The following LIMS1 variants were observed in gnomAD, a reference collection of about 807,000 sequenced individuals.
The protein encoded by LIMS1 is LIM and senescent cell antigen-like-containing domain protein 1.
In LIMS1, 18 loss-of-function variants were observed where a neutral mutation model predicts 44.1. The ratio of observed to expected loss-of-function variants is 0.41; its 90% confidence interval spans 0.28 to 0.61. LIMS1 has a LOEUF of 0.61. LIMS1 is among the 20% of genes least tolerant of loss of function. LIMS1 has a pLI of 0.32. For missense variants in LIMS1, 201 were observed against 422.0 expected (o/e 0.48, Z 4.59); for synonymous variants, 93 against 149.1 (o/e 0.62, Z 2.74).
chr2:108,590,892 C>T lies in LIMS1; in HGVS notation c.32+56298C>T, dbSNP rs184265951. The stretch of plus-strand genomic sequence containing the variant: ...TTGTTAAACAGGGGCTTTGTTTCCT[C>T]TTGTTCACCTCTGTATTCCCAGTGC... On this transcript the variant is annotated intron_variant, in intron 1 of 9. Coordinates refer to ENST00000544547, the Ensembl canonical transcript of LIMS1. Among the ~76,000 whole-genome samples, 238 of 152,332 alleles carry T rather than the reference C, an allele frequency of 1.6e-3. 1 individual carries two copies. Among genetic ancestry groups the T allele is most frequent in the Non-Finnish European group, 2.7e-3 (181 of 68,030 alleles).
At chr2:108,648,856 G>A (rs1232641811) in intron 1 of LIMS1, among the ~76,000 whole-genome samples, 2 of 152,148 alleles carry the variant, frequency 1.3e-5, no homozygotes, top group African/African-American at 4.8e-5. Flanking sequence ...AGATTTAAAT[G>A]TAAGACATAA....
chr2:108,650,265 G>A (rs1301568911), intron 1 of LIMS1, among the ~76,000 whole-genome samples: 1 of 152,092 alleles, frequency 6.6e-6, no homozygotes, highest in Non-Finnish European at 1.5e-5. Context: ...TTGAGCTATG[G>A]TGTTTATTCG....
At chr2:108,573,328 G>A (rs1256067345) in intron 1 of LIMS1, among the ~76,000 whole-genome samples, 1 of 150,172 alleles carries the variant, frequency 6.7e-6, no homozygotes, top group East Asian at 1.9e-4. Flanking sequence ...TTTCTACTGG[G>A]TACAGTGATC....
At chr2:108,571,653 A>G (rs1390697332) in intron 1 of LIMS1, among the ~76,000 whole-genome samples, 1 of 152,244 alleles carries the variant, frequency 6.6e-6, no homozygotes, top group Non-Finnish European at 1.5e-5. Context: ...TGAATAGTAC[A>G]AAAGCTTACT....
chr2:108,640,411 A>G (rs1346624151), intron 1 of LIMS1, among the ~76,000 whole-genome samples: 1 of 152,198 alleles, frequency 6.6e-6, no homozygotes, highest in Non-Finnish European at 1.5e-5. Context: ...TAACTGACCT[A>G]TTTATTTGCA....
chr2:108,559,390 T>C (rs1418214543), intron 1 of LIMS1, among the ~76,000 whole-genome samples: 1 of 152,232 alleles, frequency 6.6e-6, no homozygotes, highest in Non-Finnish European at 1.5e-5. Context: ...TATTAGTCTG[T>C]AAATATGAGT....
intron 1 of LIMS1, among the ~76,000 whole-genome samples, chr2:108,552,429 A>T (rs1684783817): frequency 6.9e-6 from 1 of 145,636 alleles, no homozygotes; most frequent in Non-Finnish European, 1.5e-5. Context: ...TATATAGTTA[A>T]AAATATAAAT....
At chr2:108,599,081 T>A (rs1686866939) in intron 1 of LIMS1, among the ~76,000 whole-genome samples, 1 of 152,066 alleles carries the variant, frequency 6.6e-6, no homozygotes, top group Non-Finnish European at 1.5e-5. Flanking sequence ...ATCTAATTAT[T>A]ATTGACTGTA....
chr2:108,653,651 T>C (rs541633252), intron 1 of LIMS1, among the ~76,000 whole-genome samples: 176 of 151,682 alleles, frequency 1.2e-3, no homozygotes, highest in African/African-American at 3.8e-3. Context: ...GAGACAAGTC[T>C]TACTCAATTT....
intron 1 of LIMS1, among the ~76,000 whole-genome samples, chr2:108,580,618 A>T (rs762263975): frequency 5.3e-5 from 8 of 152,240 alleles, no homozygotes; most frequent in Non-Finnish European, 1.0e-4. Context: ...CCAGAAGTAG[A>T]TGCAGCCTGT....
intron 1 of LIMS1, among the ~76,000 whole-genome samples, chr2:108,589,184 A>T (rs1466959133): frequency 2.8e-5 from 4 of 145,314 alleles, no homozygotes; most frequent in African/African-American, 7.5e-5. Flanking sequence ...AACGCTGTTT[A>T]AAAAAAAAAA....
At chr2:108,608,143 G>A (rs927473854) in intron 1 of LIMS1, among the ~76,000 whole-genome samples, 1 of 152,000 alleles carries the variant, frequency 6.6e-6, no homozygotes, top group Non-Finnish European at 1.5e-5. Flanking sequence ...TTTCCTCCAC[G>A]AAGAAGCCCT....
chr2:108,549,159 G>A (rs1165042372), intron 1 of LIMS1, among the ~76,000 whole-genome samples: 1 of 151,604 alleles, frequency 6.6e-6, no homozygotes, highest in Non-Finnish European at 1.5e-5. Flanking sequence ...GGTATATATG[G>A]CTTTTTGTTT....
chr2:108,586,011 G>A (rs1460049940), intron 1 of LIMS1, among the ~76,000 whole-genome samples: 5 of 152,128 alleles, frequency 3.3e-5, no homozygotes, highest in Non-Finnish European at 7.3e-5. Context: ...GGCTAACACG[G>A]TGAAACCCCA....
At chr2:108,639,649 C>T (rs1050775774) in intron 1 of LIMS1, among the ~76,000 whole-genome samples, 1 of 152,170 alleles carries the variant, frequency 6.6e-6, no homozygotes, top group African/African-American at 2.4e-5. Context: ...GACAGGGTTT[C>T]ACCATGTTGG....
intron 2 of LIMS1, chr2:108,660,644 T>A (rs1691296073): frequency 3.8e-6 from 1 of 265,072 alleles, no homozygotes; most frequent in Admixed American, 5.1e-5. Context: ...TTGCCCAGGC[T>A]GGTCTCAAAC....
intron 1 of LIMS1, among the ~76,000 whole-genome samples, chr2:108,594,491 A>G (rs904556385): frequency 6.6e-6 from 1 of 152,196 alleles, no homozygotes; most frequent in Non-Finnish European, 1.5e-5. Context: ...TCACCTGCAA[A>G]TGAAGAAAGT....
chr2:108,662,137 T>C (rs762410635), intron 2 of LIMS1: 376 of 1,610,324 alleles, frequency 2.3e-4, no homozygotes, highest in Non-Finnish European at 2.9e-4. Flanking sequence ...CCAGACATTT[T>C]CCTTATATCC....
intron 1 of LIMS1, among the ~76,000 whole-genome samples, chr2:108,555,210 G>A (rs1002795999): frequency 5.9e-5 from 9 of 152,112 alleles, no homozygotes; most frequent in Non-Finnish European, 1.3e-4. Context: ...TTTTTGAGGG[G>A]GGAGGGGGAA....
Sources: allele counts gnomAD v4.1 joint callset (sites outside exome capture counted in the v4.1 genomes callset), GRCh38; gene constraint gnomAD v4.1.1; transcripts MANE v1.5; gene names NCBI Gene and HGNC (gene_info 2026-07-23, HGNC 2026-07-21).